Variants in CHSY3 observed in about 807,000 individuals in gnomAD.
The protein encoded by CHSY3 is chondroitin sulfate synthase 3.
A neutral mutation model predicts 67.2 loss-of-function variants in CHSY3; 35 were observed. That is an observed-to-expected ratio of 0.52 (90% CI 0.40 to 0.69). CHSY3 has a LOEUF of 0.69. CHSY3 is among the 30% of genes least tolerant of loss of function. The pLI is 0.00. For missense variants in CHSY3, 1,069 were observed against 1,138.5 expected, an observed-to-expected ratio of 0.94 and a Z score of 0.88; for synonymous variants, 474 against 434.7, an observed-to-expected ratio of 1.09 and a Z score of -1.12.
At chr5:129,942,015 T>A (rs1228447674) in intron 2 of CHSY3, among the ~76,000 whole-genome samples, 1 of 152,154 alleles carries the variant, frequency 6.6e-6, no homozygotes, top group African/African-American at 2.4e-5. Flanking sequence ...ATAAGAAACT[T>A]CTGGAACCCA....
chr5:130,068,775 AC>A (rs1765965867), intron 2 of CHSY3, among the ~76,000 whole-genome samples: 1 of 152,142 alleles, frequency 6.6e-6, no homozygotes, highest in Admixed American at 6.6e-5. Flanking sequence ...ACAGCCTGCC[AC>A]TGTCAGGTTC....
At chr5:130,117,076 T>A (rs1047953072) in intron 2 of CHSY3, among the ~76,000 whole-genome samples, 1 of 152,244 alleles carries the variant, frequency 6.6e-6, no homozygotes, top group South Asian at 2.1e-4. Flanking sequence ...CAGGTGAAGT[T>A]GGATGGGAGC....
At chr5:130,028,925 C>T (rs924604484) in intron 2 of CHSY3, among the ~76,000 whole-genome samples, 1 of 151,960 alleles carries the variant, frequency 6.6e-6, no homozygotes, top group African/African-American at 2.4e-5. Context: ...GCTTCTCCTA[C>T]TGATTCCTCA....
Position 129,960,501 on chromosome 5 carries a change from G to C in CHSY3, c.1086+52141G>C, listed in dbSNP as rs149422177. On this transcript the variant is annotated intron_variant, in intron 2 of 2. Transcript: ENST00000305031. The stretch of plus-strand genomic sequence containing the variant: ...CATTTAAAAAAGACAACTGTAGTAT[G>C]ATGAGCCAGTCATCATGCTACATTT... 5.3e-5 allele frequency among the ~76,000 whole-genome samples: 8 copies of C among 152,020 alleles called. No individual in the cohort carries two copies. In the East Asian group the frequency reaches 9.7e-4, roughly 18 times the overall value.
intron 2 of CHSY3, among the ~76,000 whole-genome samples, chr5:129,970,445 GATA>G (rs1580596717): frequency 4.0e-5 from 6 of 151,410 alleles, no homozygotes; most frequent in Admixed American, 6.6e-5. Flanking sequence ...TAGATAGATA[GATA>G]GACAGACAGA....
At chr5:130,090,261 T>C (rs1766832333) in intron 2 of CHSY3, among the ~76,000 whole-genome samples, 1 of 152,160 alleles carries the variant, frequency 6.6e-6, no homozygotes, top group Non-Finnish European at 1.5e-5. Flanking sequence ...ATGGTGTTAG[T>C]GCCTTCTGAA....
intron 2 of CHSY3, among the ~76,000 whole-genome samples, chr5:130,166,580 C>T (rs527406376): frequency 6.6e-6 from 1 of 152,230 alleles, no homozygotes; most frequent in African/African-American, 2.4e-5. Flanking sequence ...TTAGCACTAT[C>T]TTATAAATAC....
chr5:130,084,452 A>G (rs74655681), intron 2 of CHSY3, among the ~76,000 whole-genome samples: 1,883 of 152,016 alleles, frequency 0.012, 33 homozygotes, highest in African/African-American at 0.043. Flanking sequence ...AAATTTATTC[A>G]GAGCAAAATA....
At chr5:130,128,296 G>A (rs942962210) in intron 2 of CHSY3, among the ~76,000 whole-genome samples, 1 of 150,868 alleles carries the variant, frequency 6.6e-6, no homozygotes, top group Non-Finnish European at 1.5e-5. Context: ...ATATATACAT[G>A]TTATGATGTA....
At chr5:129,967,014 C>G (rs1762487431) in intron 2 of CHSY3, among the ~76,000 whole-genome samples, 1 of 151,678 alleles carries the variant, frequency 6.6e-6, no homozygotes, top group Admixed American at 6.6e-5. Flanking sequence ...GTGATTTGAC[C>G]ATCTTCTATT....
intron 2 of CHSY3, among the ~76,000 whole-genome samples, chr5:130,059,788 A>G (rs1765651700): frequency 6.6e-6 from 1 of 152,170 alleles, no homozygotes; most frequent in African/African-American, 2.4e-5. Flanking sequence ...TACTTTTCAA[A>G]AGAGTTATCA....
Position 130,185,314 on chromosome 5 carries a change from A to T in CHSY3, c.2172A>T (p.Arg724Ser). 1 of 1,610,920 alleles carries T rather than the reference A, an allele frequency of 6.2e-7. No individual in the cohort carries two copies. The highest frequency in any genetic ancestry group is 8.5e-7 in the Non-Finnish European group (1 of 1,177,116). Reference protein sequence around the residue: ...LLFCDVDLIFREDFLQRCRDN... With the variant: ...LLFCDVDLIFSEDFLQRCRDN... ...TTTGTGATGTTGACTTGATCTTCAG[A>T]GAAGATTTTCTCCAACGATGTAGAG... The change falls in exon 3 of 3, where the codon AGA (arginine) becomes AGT (serine). Residue 724 changes from arginine to serine, a missense_variant. By Grantham distance (110) the Arg-to-Ser change is moderately radical (BLOSUM62 -1). Transcript: ENST00000305031.
intron 2 of CHSY3, among the ~76,000 whole-genome samples, chr5:130,130,381 T>C (rs191146120): frequency 2.7e-3 from 413 of 152,290 alleles, no homozygotes; most frequent in Non-Finnish European, 4.2e-3. Context: ...ATGGTGTATA[T>C]CTGGAATTCT....
At chr5:129,972,120 A>T (rs962879417) in intron 2 of CHSY3, among the ~76,000 whole-genome samples, 3 of 152,094 alleles carry the variant, frequency 2.0e-5, no homozygotes, top group Non-Finnish European at 2.9e-5. Context: ...CAGATAGGTA[A>T]CTTGAACAAA....
At chr5:129,938,508 A>G (rs1017471242) in intron 2 of CHSY3, among the ~76,000 whole-genome samples, 13 of 152,202 alleles carry the variant, frequency 8.5e-5, no homozygotes, top group Admixed American at 7.9e-4. Flanking sequence ...TTCCAGTTTC[A>G]GATAATCTCT....
At chr5:130,001,560 G>C (rs577064931) in intron 2 of CHSY3, 1 of 877,332 alleles carries the variant, frequency 1.1e-6, no homozygotes, top group Admixed American at 6.2e-5. Flanking sequence ...AGTCCCTCCT[G>C]TCCTTGCCTT....
intron 2 of CHSY3, among the ~76,000 whole-genome samples, chr5:130,071,444 C>T (rs761331082): frequency 6.6e-6 from 1 of 151,870 alleles, no homozygotes; most frequent in Non-Finnish European, 1.5e-5. Flanking sequence ...AGTGAAAAGA[C>T]TCATATCTGT....
In CHSY3 at chr5:130,161,959, G is replaced by C. The variant is rs143087734; in HGVS notation, c.1087-22270G>C. On this transcript the variant is annotated intron_variant, in intron 2 of 2. Transcript: ENST00000305031. ...GGAGGCTGAGGTGGGAGAATCACCTGAGCCTGGGAGTTTGAGGCTGCAGTG... is the reference window on the plus strand; with the variant it reads ...GGAGGCTGAGGTGGGAGAATCACCTCAGCCTGGGAGTTTGAGGCTGCAGTG... 4.9e-3 allele frequency among the ~76,000 whole-genome samples: 735 copies of C among 150,422 alleles called. 8 individuals are homozygous for C. The highest frequency in any genetic ancestry group is 0.017 in the African/African-American group (700 of 40,952).
At chr5:129,979,894 T>G (rs1762932815) in intron 2 of CHSY3, among the ~76,000 whole-genome samples, 1 of 152,236 alleles carries the variant, frequency 6.6e-6, no homozygotes, top group Non-Finnish European at 1.5e-5. Context: ...AATGTGCATT[T>G]AAGATTCTCC....
Sources: gnomAD v4.1 joint callset for allele counts (sites outside exome capture counted in the v4.1 genomes callset) on GRCh38, gnomAD v4.1.1 for gene constraint, MANE v1.5 for transcripts, NCBI Gene and HGNC (gene_info 2026-07-23, HGNC 2026-07-21) for gene names.